DMD: variants seen among roughly 807,000 people sequenced by gnomAD.
The protein encoded by DMD is mutant dystrophin.
Under a neutral mutation model 330.1 loss-of-function variants are expected in DMD, and 63 were observed. The observed-to-expected ratio is 0.19, with a 90% CI of 0.16 to 0.24. DMD has a LOEUF of 0.24. DMD is among the 10% of genes least tolerant of loss of function. The probability of loss-of-function intolerance (pLI) is 1.00; values close to 1 mark genes in which losing one functional copy is unlikely to be tolerated. For missense variants in DMD, 3,344 were observed against 2,684.1 expected (o/e 1.25, Z -5.43); for synonymous variants, 1,223 against 959.8 (o/e 1.27, Z -5.07).
intron 9 of DMD, among the ~76,000 whole-genome samples, chrX:32,651,434 T>C (rs1194614204): frequency 8.9e-6 from 1 of 112,243 alleles, no homozygotes; most frequent in Non-Finnish European, 1.9e-5. Context: ...TGAGCCACGG[T>C]GTCCGGCCCT....
intron 44 of DMD, among the ~76,000 whole-genome samples, chrX:32,215,517 A>G (rs780525575): frequency 9.0e-6 from 1 of 111,625 alleles, no homozygotes; most frequent in Non-Finnish European, 1.9e-5. Flanking sequence ...ATACTGAACA[A>G]CTATCCTCCA....
intron 7 of DMD, among the ~76,000 whole-genome samples, chrX:32,751,835 T>C (rs1475240593): frequency 2.7e-5 from 3 of 112,554 alleles, no homozygotes; most frequent in Non-Finnish European, 5.6e-5. Flanking sequence ...TCCCAGCCAC[T>C]CCAGCTGTGA....
At chrX:32,665,612 G>A (rs1214738942) in intron 9 of DMD, among the ~76,000 whole-genome samples, 1 of 111,708 alleles carries the variant, frequency 9.0e-6, no homozygotes, top group East Asian at 2.8e-4. Context: ...CTGCCCTCAA[G>A]GAAATCATAG....
intron 1 of DMD, among the ~76,000 whole-genome samples, chrX:33,058,866 T>G (rs1188231492): frequency 8.9e-6 from 1 of 111,820 alleles, no homozygotes; most frequent in African/African-American, 3.2e-5. Context: ...TTACCATCTT[T>G]GTCCTCTTTT....
intron 1 of DMD, among the ~76,000 whole-genome samples, chrX:33,130,642 C>A (rs981041584): frequency 9.1e-6 from 1 of 109,345 alleles, no homozygotes; most frequent in Non-Finnish European, 1.9e-5. Context: ...GCAACCTCTG[C>A]CTCCCGGGTT....
In DMD at chrX:32,558,938, C is replaced by CTTTTTTTTT. The variant is rs60739281; in HGVS notation, c.1992+6755_1992+6763dup. 3.5e-4 allele frequency among the ~76,000 whole-genome samples: 18 copies of CTTTTTTTTT among 50,815 alleles called. 2 individuals carry two copies. Among genetic ancestry groups the CTTTTTTTTT allele is most frequent in the African/African-American group, 7.2e-4 (7 of 9,734 alleles). 44.1% of individuals were successfully genotyped at this position (50,815 alleles called of 115,157 possible). ...TATTTGAGATGTAACTTCAAATTTT[C>CTTTTTTTTT]TTTTTTTTTTTTTTTTTTTTTTTTT... On this transcript the variant is annotated intron_variant, in intron 16 of 78. Transcript: ENST00000357033.
chrX:32,752,163 C>A (rs1399638575), intron 7 of DMD, among the ~76,000 whole-genome samples: 1 of 111,572 alleles, frequency 9.0e-6, no homozygotes, highest in African/African-American at 3.3e-5. Flanking sequence ...TCCTCCAGAC[C>A]CCAGAATGGT....
chrX:32,333,125 G>GT (rs915044407), intron 41 of DMD, among the ~76,000 whole-genome samples: 26 of 111,401 alleles, frequency 2.3e-4, no homozygotes, highest in Non-Finnish European at 2.6e-4. Flanking sequence ...GCATTTTTCT[G>GT]TTTTTTAATA....
chrX:31,429,294 C>G (rs1490684970), intron 60 of DMD, among the ~76,000 whole-genome samples: 2 of 111,655 alleles, frequency 1.8e-5, no homozygotes, highest in African/African-American at 6.5e-5. Context: ...TGACTGTGCT[C>G]AGGTGGGTGT....
At chrX:32,101,316 G>A (rs1485517715) in intron 44 of DMD, among the ~76,000 whole-genome samples, 6 of 111,267 alleles carry the variant, frequency 5.4e-5, no homozygotes, top group Admixed American at 1.9e-4. Context: ...CTCTATGAGC[G>A]TGAGTAAGTT....
At chrX:32,405,079 G>A (rs1372924650) in intron 30 of DMD, among the ~76,000 whole-genome samples, 2 of 111,547 alleles carry the variant, frequency 1.8e-5, no homozygotes, top group East Asian at 2.8e-4. Flanking sequence ...GATAGAAAAT[G>A]TCGTATGAAA....
chrX:32,192,525 A>G (rs943609818), intron 44 of DMD, among the ~76,000 whole-genome samples: 1 of 112,146 alleles, frequency 8.9e-6, no homozygotes, highest in African/African-American at 3.2e-5. Flanking sequence ...CTTAAATGTA[A>G]GAGCCATGTA....
intron 11 of DMD, among the ~76,000 whole-genome samples, chrX:32,643,575 T>C (rs1036789161): frequency 1.8e-5 from 2 of 111,532 alleles, no homozygotes; most frequent in African/African-American, 6.5e-5. Flanking sequence ...AAGAAATATG[T>C]CATTTTTCAG....
chrX:32,991,452 C>T (rs1225582699), intron 2 of DMD, among the ~76,000 whole-genome samples: 1 of 111,906 alleles, frequency 8.9e-6, no homozygotes, highest in Non-Finnish European at 1.9e-5. Flanking sequence ...TATACATGCA[C>T]TACATAACAC....
chrX:31,251,682 C>G (rs2049382002), intron 63 of DMD, among the ~76,000 whole-genome samples: 1 of 112,288 alleles, frequency 8.9e-6, no homozygotes. Flanking sequence ...CTCTTTCCAG[C>G]AAAATTGCAG....
At chrX:32,172,216 C>G (rs1441020965) in intron 44 of DMD, among the ~76,000 whole-genome samples, 1 of 111,436 alleles carries the variant, frequency 9.0e-6, no homozygotes, top group African/African-American at 3.3e-5. Flanking sequence ...TTTGTTCATT[C>G]TAAACTTAAT....
Position 32,801,752 on chromosome X carries a change from T to G in DMD, c.649+7741A>C, listed in dbSNP as rs1041824709. Among the ~76,000 whole-genome samples, 253 of 111,636 alleles carry G rather than the reference T, an allele frequency of 2.3e-3. 1 individual carries two copies. Among genetic ancestry groups the G allele is most frequent in the African/African-American group, 7.9e-3 (242 of 30,509 alleles). ...GGCTAGCCAGTTTTCCCATCATCAT[T>G]TATTAAATAGGGAATGCTTTCCCCA... On this transcript the variant is annotated intron_variant, in intron 7 of 78. Coordinates refer to ENST00000357033, the MANE Select transcript of DMD (RefSeq NM_004006.3).
At chrX:32,067,725 G>A (rs4445377) in intron 44 of DMD, among the ~76,000 whole-genome samples, 49,826 of 110,502 alleles carry the variant, frequency 0.45, 9,660 homozygotes, top group African/African-American at 0.75. Flanking sequence ...TATGGTGTAT[G>A]TGTACAACAT....
chrX:32,148,862 A>G (rs1292922430), intron 44 of DMD, among the ~76,000 whole-genome samples: 2 of 111,640 alleles, frequency 1.8e-5, no homozygotes, highest in Non-Finnish European at 3.8e-5. Context: ...AAGTCAAATC[A>G]TGCAATTTGA....
Sources: gnomAD v4.1 joint callset for allele counts (sites outside exome capture counted in the v4.1 genomes callset) on GRCh38, gnomAD v4.1.1 for gene constraint, MANE v1.5 for transcripts, NCBI Gene and HGNC (gene_info 2026-07-23, HGNC 2026-07-21) for gene names.